The following RGS7 variants were observed in gnomAD, a reference collection of about 807,000 sequenced individuals.
The protein encoded by RGS7 is regulator of G-protein signaling 7.
Under a neutral mutation model 81.1 loss-of-function variants are expected in RGS7, and 27 were observed. The observed-to-expected ratio is 0.33, with a 90% CI of 0.25 to 0.46. RGS7 has a LOEUF of 0.46. Among genes scored for constraint, RGS7 ranks in the 20% least tolerant of loss-of-function variants. The pLI, the probability that RGS7 is intolerant of heterozygous loss-of-function variation, is 1.00. For synonymous variants in RGS7, 208 were observed against 207.7 expected (o/e 1.00, Z -0.01); for missense variants, 396 against 607.4 (o/e 0.65, Z 3.66).
chr1:241,100,055 A>G (rs1343791608), intron 2 of RGS7, among the ~76,000 whole-genome samples: 1 of 152,122 alleles, frequency 6.6e-6, no homozygotes, highest in East Asian at 1.9e-4. Flanking sequence ...AAAAAAACAC[A>G]GTCTAAACTT....
intron 3 of RGS7, among the ~76,000 whole-genome samples, chr1:241,041,868 C>T (rs2060639510): frequency 6.6e-6 from 1 of 152,082 alleles, no homozygotes; most frequent in African/African-American, 2.4e-5. Flanking sequence ...CCCTGCTAGA[C>T]TTTGAATTTC....
At chr1:241,335,374 G>A (rs2082184352) in intron 2 of RGS7, among the ~76,000 whole-genome samples, 1 of 152,022 alleles carries the variant, frequency 6.6e-6, no homozygotes, top group Non-Finnish European at 1.5e-5. Context: ...GCAATTCAAT[G>A]GATGTTTAAT....
chr1:240,966,514 C>T (rs763886174), intron 4 of RGS7, among the ~76,000 whole-genome samples: 29 of 151,998 alleles, frequency 1.9e-4, no homozygotes, highest in Non-Finnish European at 2.9e-4. Context: ...TTTTCCAGAA[C>T]GCCACACCAT....
chr1:240,817,891 C>A (rs977972314), intron 10 of RGS7, among the ~76,000 whole-genome samples: 2 of 152,152 alleles, frequency 1.3e-5, no homozygotes, highest in Non-Finnish European at 1.5e-5. Flanking sequence ...GCGTGAGCCA[C>A]CGCGCCTGGC....
chr1:241,117,048 G>A (rs1268935411), intron 2 of RGS7, among the ~76,000 whole-genome samples: 1 of 152,084 alleles, frequency 6.6e-6, no homozygotes, highest in Non-Finnish European at 1.5e-5. Context: ...CCTCTACGAG[G>A]TAGTATATGG....
chr1:240,935,542 C>A (rs1374629308), intron 5 of RGS7, among the ~76,000 whole-genome samples: 1 of 152,158 alleles, frequency 6.6e-6, no homozygotes, highest in Non-Finnish European at 1.5e-5. Flanking sequence ...TTCCTCCTAG[C>A]TCTTAAGTCC....
chr1:240,988,172 C>T (rs1318760410), intron 3 of RGS7, among the ~76,000 whole-genome samples: 2 of 151,090 alleles, frequency 1.3e-5, no homozygotes, highest in East Asian at 3.9e-4. Context: ...TATTTATGGA[C>T]ATCTACTCTA....
chr1:241,148,021 G>A (rs1340867519), intron 2 of RGS7, among the ~76,000 whole-genome samples: 1 of 144,070 alleles, frequency 6.9e-6, no homozygotes, highest in African/African-American at 2.5e-5. Context: ...TGACTATATG[G>A]TGTTTTCAAA....
In RGS7 at chr1:240,868,678, C is replaced by A; in HGVS notation, c.528-10G>T. On this transcript the variant is annotated splice_polypyrimidine_tract_variant and intron_variant, in intron 8 of 18. Coordinates refer to ENST00000440928, the MANE Select transcript of RGS7 (RefSeq NM_001364886.1). The surrounding 1 kb of genome is among the most constrained non-coding windows in gnomAD (Gnocchi z 5.1). ...TCTCTTCTTGTCCACTCTGTCAACACAGTAACAATAGATAACATTTAGTAT... is the reference window on the plus strand; with the variant it reads ...TCTCTTCTTGTCCACTCTGTCAACAAAGTAACAATAGATAACATTTAGTAT... 6.2e-7 allele frequency: 1 copy of A among 1,613,676 alleles called. No homozygotes were observed. Among genetic ancestry groups the A allele is most frequent in the South Asian group, 1.1e-5 (1 of 91,066 alleles).
At chr1:240,842,778 T>C (rs1320430035) in intron 9 of RGS7, among the ~76,000 whole-genome samples, 1 of 151,998 alleles carries the variant, frequency 6.6e-6, no homozygotes, top group Non-Finnish European at 1.5e-5. Flanking sequence ...TTCCTTTTTC[T>C]TTCTTTCTTT....
At chr1:241,022,154 C>T (rs186429374) in intron 3 of RGS7, among the ~76,000 whole-genome samples, 1 of 152,242 alleles carries the variant, frequency 6.6e-6, no homozygotes, top group East Asian at 1.9e-4. Context: ...ATTAGGTAGG[C>T]CTTTTCAATC....
In RGS7 at chr1:240,801,513, C is replaced by G; in HGVS notation, c.1360-5G>C. ...GCGATCCATTGAGTTTCCAGACTTA[C>G]GTATGTGGGGTAGGATAGGATGAAG... On this transcript the variant is annotated splice_region_variant and splice_polypyrimidine_tract_variant and intron_variant, in intron 16 of 18. Transcript: ENST00000440928. The G allele has an allele frequency of 2.5e-6, 4 of 1,597,728 alleles. No individual in the cohort carries two copies. Among genetic ancestry groups the G allele is most frequent in the Non-Finnish European group, 3.4e-6 (4 of 1,165,952 alleles).
intron 2 of RGS7, among the ~76,000 whole-genome samples, chr1:241,182,690 C>T (rs1289917339): frequency 6.7e-6 from 1 of 148,250 alleles, no homozygotes; most frequent in Non-Finnish European, 1.5e-5. Flanking sequence ...CGCTCTGTCA[C>T]CAGGCTGGAG....
chr1:241,128,727 T>G (rs73129616), intron 2 of RGS7, among the ~76,000 whole-genome samples: 7,721 of 141,166 alleles, frequency 0.055, 684 homozygotes, highest in African/African-American at 0.19. Context: ...ATAAAGCAAC[T>G]TCCCAGAAAT....
At chr1:240,946,903 T>A (rs1678718944) in intron 4 of RGS7, among the ~76,000 whole-genome samples, 1 of 152,230 alleles carries the variant, frequency 6.6e-6, no homozygotes, top group South Asian at 2.1e-4. Flanking sequence ...ACATGATAAA[T>A]GTTTAAAGTG....
At chr1:240,815,009 T>C (rs1690549772) in intron 11 of RGS7, among the ~76,000 whole-genome samples, 1 of 152,214 alleles carries the variant, frequency 6.6e-6, no homozygotes, top group Non-Finnish European at 1.5e-5. Flanking sequence ...TTGACCATTC[T>C]GCCTACTTTA....
intron 2 of RGS7, among the ~76,000 whole-genome samples, chr1:241,120,944 GAGAA>G (rs2066214865): frequency 6.6e-6 from 1 of 152,106 alleles, no homozygotes; most frequent in African/African-American, 2.4e-5. Flanking sequence ...TTGAACTTTG[GAGAA>G]AGACTCAAGG....
chr1:241,176,770 G>A (rs2071179654), intron 2 of RGS7, among the ~76,000 whole-genome samples: 1 of 152,108 alleles, frequency 6.6e-6, no homozygotes, highest in Non-Finnish European at 1.5e-5. Context: ...CTTATGACCT[G>A]AGGGAAAGAT....
intron 6 of RGS7, chr1:240,920,167 A>G: frequency 1.0e-6 from 1 of 1,002,188 alleles, no homozygotes; most frequent in African/African-American, 1.6e-5. Flanking sequence ...GTGAATGGCC[A>G]CAACTGTGAA....
Sources: gnomAD v4.1 joint callset for allele counts (sites outside exome capture counted in the v4.1 genomes callset) on GRCh38, gnomAD v4.1.1 for gene constraint, Gnocchi (gnomAD v3.1) non-coding constraint, MANE v1.5 for transcripts, NCBI Gene and HGNC (gene_info 2026-07-23, HGNC 2026-07-21) for gene names.